The following DSCAML1 variants were observed in gnomAD, a reference collection of about 807,000 sequenced individuals.
The protein encoded by DSCAML1 is DS cell adhesion molecule like 1, also known as cell adhesion molecule DSCAML1.
DSCAML1 carries 38 observed loss-of-function variants against 200.5 expected under a neutral mutation model. The observed-to-expected ratio is 0.19, with a 90% CI of 0.15 to 0.25. The LOEUF (loss-of-function observed/expected upper bound fraction) is 0.25, where lower values mean the gene tolerates loss of function less well. Ranked by LOEUF, DSCAML1 falls within the 10% of genes least tolerant of loss-of-function variation. DSCAML1 has a pLI of 1.00. For missense variants in DSCAML1, 2,223 were observed against 2,858.8 expected, an observed-to-expected ratio of 0.78 and a Z score of 5.07; for synonymous variants, 1,215 against 1,165.0, an observed-to-expected ratio of 1.04 and a Z score of -0.87.
At position 117,541,570 on chromosome 11, in the gene DSCAML1, G is replaced by A. The variant is rs117772708; in HGVS notation, c.512-9048C>T. Among the ~76,000 whole-genome samples the A allele has an allele frequency of 6.3e-3, 959 of 152,210 alleles. 5 individuals carry two copies. Among genetic ancestry groups the A allele is most frequent in the Middle Eastern group, 0.041 (12 of 294 alleles). Reference sequence around the variant, plus strand: ...ACTGCTGCCACATTGCAATGGTTTGGGCCACTATTTCCTCTTTGGGCCACT... The same window carrying A: ...ACTGCTGCCACATTGCAATGGTTTGAGCCACTATTTCCTCTTTGGGCCACT... On this transcript the variant is annotated intron_variant, in intron 3 of 32. Transcript: ENST00000651296.
At chr11:117,507,350 G>A (rs2049521633) in intron 8 of DSCAML1, among the ~76,000 whole-genome samples, 1 of 152,158 alleles carries the variant, frequency 6.6e-6, no homozygotes, top group Non-Finnish European at 1.5e-5. Context: ...GGCCACAGTG[G>A]GGGATGGGCT....
intron 3 of DSCAML1, among the ~76,000 whole-genome samples, chr11:117,617,318 G>A (rs925490527): frequency 2.0e-5 from 3 of 152,148 alleles, no homozygotes; most frequent in African/African-American, 7.2e-5. Flanking sequence ...CTCCAGGCTC[G>A]GCCACTGGCC....
chr11:117,450,514 C>T (rs1181003172), intron 20 of DSCAML1, 35 bp downstream of exon 20: 2 of 1,605,360 alleles, frequency 1.2e-6, no homozygotes, highest in South Asian at 1.1e-5. Context: ...TCTTTTCTTC[C>T]ATCCCCTTCA....
chr11:117,558,567 A>G (rs1591263903), intron 3 of DSCAML1, among the ~76,000 whole-genome samples: 2 of 152,288 alleles, frequency 1.3e-5, no homozygotes, highest in Admixed American at 1.3e-4. Flanking sequence ...GGAGCTCAAC[A>G]CCAGCCTGGG....
chr11:117,568,280 A>C (rs1460423491), intron 3 of DSCAML1, among the ~76,000 whole-genome samples: 1 of 152,120 alleles, frequency 6.6e-6, no homozygotes, highest in African/African-American at 2.4e-5. Context: ...CTGAATGGGC[A>C]AAAACTGGAA....
At chr11:117,434,798 A>ATCCATCCATCCATCCT (rs1338759472) in intron 27 of DSCAML1, among the ~76,000 whole-genome samples, 1 of 151,970 alleles carries the variant, frequency 6.6e-6, no homozygotes, top group Non-Finnish European at 1.5e-5. Context: ...CCAATCATCC[A>ATCCATCCATCCATCCT]TCCATCCATC....
At chr11:117,561,565 C>T (rs376281075) in intron 3 of DSCAML1, among the ~76,000 whole-genome samples, 4 of 152,178 alleles carry the variant, frequency 2.6e-5, no homozygotes, top group South Asian at 4.1e-4. Context: ...CTTCCTATAG[C>T]GCCCCTTGTT....
intron 22 of DSCAML1, among the ~76,000 whole-genome samples, 194 bp from the exon 23 acceptor site, chr11:117,439,623 G>A (rs190664153): frequency 4.6e-5 from 7 of 152,234 alleles, no homozygotes; most frequent in African/African-American, 1.7e-4. Flanking sequence ...GGGGAAGGGA[G>A]GTCCTTGGCT....
chr11:117,765,104 G>A (rs2054871216), intron 3 of DSCAML1, among the ~76,000 whole-genome samples: 1 of 152,196 alleles, frequency 6.6e-6, no homozygotes, highest in African/African-American at 2.4e-5. Context: ...TGAGCCAAAG[G>A]TGAAGAGGAG....
At chr11:117,808,427 G>A (rs556477249) in intron 1 of DSCAML1, among the ~76,000 whole-genome samples, 1 of 152,262 alleles carries the variant, frequency 6.6e-6, no homozygotes, top group African/African-American at 2.4e-5. Context: ...CCTGGCATGC[G>A]ACATGCTATC....
intron 1 of DSCAML1, among the ~76,000 whole-genome samples, chr11:117,809,394 G>T (rs1338703072): frequency 6.6e-6 from 1 of 152,210 alleles, no homozygotes; most frequent in South Asian, 2.1e-4. Context: ...AGGACAACCC[G>T]CCTCCCTGGC....
At position 117,504,784 on chromosome 11, in the gene DSCAML1, G is replaced by A; in HGVS notation, c.2182+140C>T. On this transcript the variant is annotated intron_variant, in intron 10 of 32. Transcript: ENST00000651296. The surrounding 1 kb of genome is among the most constrained non-coding windows in gnomAD (Gnocchi z 5.0). ...GATGACTCCAGGTGAGGTGTAGCCT[G>A]GGGTCCACTGGGGTGCAGACCAGAG... 1 of 1,216,102 alleles carries A rather than the reference G, an allele frequency of 8.2e-7. No homozygotes were observed. Among genetic ancestry groups the A allele is most frequent in the Non-Finnish European group, 1.1e-6 (1 of 928,654 alleles). The allele number at this position is 1,216,102 out of a possible 1,614,324, so 75.3% of individuals were successfully genotyped here. A position where few individuals can be genotyped will look rare whatever the true frequency, so the allele number is the denominator to read the frequency against.
rs1777965265 is a variant in DSCAML1, at chr11:117,439,514, G to A, written c.3981-85C>T. 6.6e-6 allele frequency: 10 copies of A among 1,519,368 alleles called. No individual in the cohort carries two copies. In the Admixed American group the frequency reaches 1.7e-4, roughly 26 times the overall value. The allele number at this position is 1,519,368 out of a possible 1,614,324, so 94.1% of individuals were successfully genotyped here. A position where few individuals can be genotyped will look rare whatever the true frequency, so the allele number is the denominator to read the frequency against. ...CTCCCCCCGGTGTGTGACAAAGAGA[G>A]CTGGGGGTGGAAGGAGGCTCGCCAG... On this transcript the variant is annotated intron_variant, in intron 22 of 32. Transcript: ENST00000651296.
rs2051836708 is a variant in DSCAML1, at chr11:117,617,675, TACACGCAC to T, written c.512-85161_512-85154del. Among the ~76,000 whole-genome samples, 3 of 107,652 alleles carry T rather than the reference TACACGCAC, an allele frequency of 2.8e-5. No individual in the cohort carries two copies. In the South Asian group the frequency reaches 1.0e-3, roughly 37 times the overall value. 70.6% of individuals were successfully genotyped at this position (107,652 alleles called of 152,430 possible). A position where few individuals can be genotyped will look rare whatever the true frequency, so the allele number is the denominator to read the frequency against. ...ACACTGCCACAAGACAACACACAGG[TACACGCAC>T]ACACACACACACACACACACACACA... On this transcript the variant is annotated intron_variant, in intron 3 of 32. Transcript: ENST00000651296.
intron 3 of DSCAML1, among the ~76,000 whole-genome samples, chr11:117,662,969 G>A (rs972563851): frequency 1.3e-5 from 2 of 152,160 alleles, no homozygotes; most frequent in African/African-American, 4.8e-5. Flanking sequence ...GGGTTCTTCT[G>A]GTTCCCGGAT....
intron 24 of DSCAML1, 85 bp downstream of exon 24, chr11:117,438,800 A>G: frequency 8.2e-7 from 1 of 1,215,056 alleles, no homozygotes. Context: ...TTGGAGACAA[A>G]TGGCAGAAGT....
chr11:117,438,548 C>T lies in DSCAML1; in HGVS notation c.4243+337G>A, dbSNP rs543339490. Among the ~76,000 whole-genome samples the T allele has an allele frequency of 2.0e-5, 3 of 151,730 alleles. No individual in the cohort carries two copies. In the South Asian group the frequency reaches 6.3e-4, roughly 32 times the overall value. On this transcript the variant is annotated intron_variant, in intron 24 of 32. Coordinates refer to ENST00000651296, the MANE Select transcript of DSCAML1 (RefSeq NM_020693.4). ...TCAGAACTGCATTGTTACAAGGCCC[C>T]TTGGTGACGCAGACGCACGCCCACA...
chr11:117,553,599 A>G (rs891892340), intron 3 of DSCAML1, among the ~76,000 whole-genome samples: 8 of 152,238 alleles, frequency 5.3e-5, no homozygotes, highest in Non-Finnish European at 8.8e-5. Flanking sequence ...CCATGAGGAT[A>G]GCTATTATTA....
intron 3 of DSCAML1, among the ~76,000 whole-genome samples, chr11:117,654,075 T>C (rs2052686616): frequency 6.6e-6 from 1 of 152,200 alleles, no homozygotes; most frequent in East Asian, 1.9e-4. Context: ...TTATGCTAAG[T>C]GAAAGAAGTC....
Sources: allele counts gnomAD v4.1 joint callset (sites outside exome capture counted in the v4.1 genomes callset), GRCh38; gene constraint gnomAD v4.1.1; non-coding constraint Gnocchi (gnomAD v3.1); transcripts MANE v1.5; gene names NCBI Gene and HGNC (gene_info 2026-07-23, HGNC 2026-07-21).